The following ADAMTS12 variants were observed in gnomAD, a reference collection of about 807,000 sequenced individuals.
ADAMTS12 encodes ADAM metallopeptidase with thrombospondin type 1 motif 12, also known as A disintegrin and metalloproteinase with thrombospondin motifs 12.
Under a neutral mutation model 167.8 loss-of-function variants are expected in ADAMTS12, and 118 were observed. The ratio of observed to expected loss-of-function variants is 0.70; its 90% confidence interval spans 0.61 to 0.82. The LOEUF is 0.82. ADAMTS12 is among the 40% of genes least tolerant of loss of function. ADAMTS12 has a pLI of 0.00. For synonymous variants in ADAMTS12, 704 were observed against 716.9 expected, an observed-to-expected ratio of 0.98 and a Z score of 0.29; for missense variants, 1,916 against 1,998.8, an observed-to-expected ratio of 0.96 and a Z score of 0.79.
chr5:33,592,949 A>C lies in ADAMTS12; in HGVS notation c.2654+2985T>G, dbSNP rs76938211. Among the ~76,000 whole-genome samples, 1,417 of 152,280 alleles carry C rather than the reference A, an allele frequency of 9.3e-3. 25 individuals are homozygous for C. Among genetic ancestry groups the C allele is most frequent in the African/African-American group, 0.032 (1,349 of 41,544 alleles). The stretch of plus-strand genomic sequence containing the variant: ...AAACTAGTGAACTAATCTTGCAAAA[A>C]CAAATAATATTAGTTTATTATTTAT... On this transcript the variant is annotated intron_variant, in intron 17 of 23. Transcript: ENST00000504830.
At chr5:33,713,735 GT>G (rs1743493925) in intron 3 of ADAMTS12, among the ~76,000 whole-genome samples, 2 of 152,094 alleles carry the variant, frequency 1.3e-5, no homozygotes, top group African/African-American at 4.8e-5. Flanking sequence ...CACTTGTTTG[GT>G]TAGTCCACAA....
intron 20 of ADAMTS12, among the ~76,000 whole-genome samples, chr5:33,559,076 G>A (rs1745615829): frequency 6.6e-6 from 1 of 152,180 alleles, no homozygotes; most frequent in Non-Finnish European, 1.5e-5. Flanking sequence ...AGTCTGCCAG[G>A]AGAACCAGAG....
At chr5:33,786,542 G>A (rs1746332680) in intron 2 of ADAMTS12, among the ~76,000 whole-genome samples, 1 of 151,820 alleles carries the variant, frequency 6.6e-6, no homozygotes, top group Non-Finnish European at 1.5e-5. Flanking sequence ...ATTATCAGGA[G>A]GCTGTACGTA....
At chr5:33,711,493 C>T (rs937903301) in intron 3 of ADAMTS12, among the ~76,000 whole-genome samples, 1 of 152,078 alleles carries the variant, frequency 6.6e-6, no homozygotes, top group African/African-American at 2.4e-5. Flanking sequence ...AGGTCTCACA[C>T]CCCAGGGGAC....
intron 19 of ADAMTS12, among the ~76,000 whole-genome samples, chr5:33,567,721 A>C (rs1476571521): frequency 6.6e-6 from 1 of 152,236 alleles, no homozygotes; most frequent in Non-Finnish European, 1.5e-5. Flanking sequence ...AGTAACCATG[A>C]GTGGCCTCAA....
intron 2 of ADAMTS12, among the ~76,000 whole-genome samples, chr5:33,795,705 T>G (rs927549486): frequency 6.6e-6 from 1 of 152,080 alleles, no homozygotes; most frequent in Non-Finnish European, 1.5e-5. Flanking sequence ...TCTCTGTCAG[T>G]AAGAGCCACC....
intron 16 of ADAMTS12, among the ~76,000 whole-genome samples, chr5:33,610,446 C>T (rs1340566090): frequency 3.3e-5 from 5 of 152,104 alleles, no homozygotes; most frequent in Non-Finnish European, 5.9e-5. Flanking sequence ...TGAACTACCT[C>T]GAGCAGGTAG....
At chr5:33,840,154 T>C (rs1748695873) in intron 2 of ADAMTS12, 1 of 152,218 alleles carries the variant, frequency 6.6e-6, no homozygotes, top group South Asian at 2.1e-4. Context: ...ACCCATTTTC[T>C]CCAAAGCTTT....
At chr5:33,815,580 AT>A (rs1747621603) in intron 2 of ADAMTS12, among the ~76,000 whole-genome samples, 1 of 152,186 alleles carries the variant, frequency 6.6e-6, no homozygotes, top group Non-Finnish European at 1.5e-5. Flanking sequence ...ACAGTGTTCT[AT>A]TATAGAAGCC....
intron 19 of ADAMTS12, among the ~76,000 whole-genome samples, chr5:33,571,859 A>G (rs1204138049): frequency 6.6e-6 from 1 of 152,024 alleles, no homozygotes; most frequent in Non-Finnish European, 1.5e-5. Flanking sequence ...AGCAAGACTA[A>G]TAAAGAAAAA....
At chr5:33,699,580 C>T (rs1742921985) in intron 3 of ADAMTS12, among the ~76,000 whole-genome samples, 1 of 152,044 alleles carries the variant, frequency 6.6e-6, no homozygotes, top group African/African-American at 2.4e-5. Flanking sequence ...ACTTTCTCTG[C>T]CCATGTGAAA....
chr5:33,821,815 C>G (rs1385416998), intron 2 of ADAMTS12, among the ~76,000 whole-genome samples: 3 of 152,208 alleles, frequency 2.0e-5, no homozygotes. Context: ...CAACATCACC[C>G]TTTCAATCCT....
At chr5:33,777,420 G>A (rs1258552964) in intron 2 of ADAMTS12, among the ~76,000 whole-genome samples, 1 of 151,704 alleles carries the variant, frequency 6.6e-6, no homozygotes, top group Non-Finnish European at 1.5e-5. Flanking sequence ...ACAGAATGAA[G>A]GACAAAAATC....
At chr5:33,694,747 G>C (rs1742691013) in intron 3 of ADAMTS12, among the ~76,000 whole-genome samples, 1 of 152,208 alleles carries the variant, frequency 6.6e-6, no homozygotes, top group Admixed American at 6.5e-5. Flanking sequence ...GTGCTGGCTA[G>C]ATTTCAAAGA....
chr5:33,707,804 A>C (rs1204407896), intron 3 of ADAMTS12, among the ~76,000 whole-genome samples: 1 of 152,240 alleles, frequency 6.6e-6, no homozygotes, highest in East Asian at 1.9e-4. Flanking sequence ...AAATTAACTC[A>C]AGATGGATGA....
At chr5:33,683,779 G>T in intron 4 of ADAMTS12, 80 bp downstream of exon 4, 2 of 1,124,616 alleles carry the variant, frequency 1.8e-6, no homozygotes, top group South Asian at 3.1e-5. Flanking sequence ...CCCCAAAAAG[G>T]CCTTTCTTAT....
intron 18 of ADAMTS12, among the ~76,000 whole-genome samples, chr5:33,584,733 G>T (rs1221235739): frequency 6.6e-6 from 1 of 152,130 alleles, no homozygotes; most frequent in Non-Finnish European, 1.5e-5. Context: ...CTGGCTCAAG[G>T]CCACACAATT....
rs535753662 is a variant in ADAMTS12 at position 33,690,472 on chromosome 5, G to C, written c.635-6417C>G. On this transcript the variant is annotated intron_variant, in intron 3 of 23. Coordinates refer to ENST00000504830, the MANE Select transcript of ADAMTS12 (RefSeq NM_030955.4). Reference sequence around the variant, plus strand: ...AGTATAAGCACCTGAAAAAAAAAAAGAAAGAAAGAGATGTATTCTCAAAGG... The same window carrying C: ...AGTATAAGCACCTGAAAAAAAAAAACAAAGAAAGAGATGTATTCTCAAAGG... Among the ~76,000 whole-genome samples the C allele has an allele frequency of 3.1e-4, 46 of 146,798 alleles. 1 individual carries two copies. Among genetic ancestry groups the C allele is most frequent in the African/African-American group, 1.1e-3 (43 of 39,936 alleles).
Position 33,674,521 on chromosome 5 carries a change from G to T in ADAMTS12, c.915+8497C>A, listed in dbSNP as rs571850785. On this transcript the variant is annotated intron_variant, in intron 5 of 23. Coordinates refer to ENST00000504830, the MANE Select transcript of ADAMTS12 (RefSeq NM_030955.4). ...TTACTTTATGTCCATAATAATAAAG[G>T]TGATGGCTTCCTCTGGGGCAAAAGT... Among the ~76,000 whole-genome samples the T allele has an allele frequency of 1.6e-4, 25 of 152,238 alleles. No homozygotes were observed. The East Asian group carries it at 4.6e-3, about 28-fold the overall frequency.
Sources: allele counts gnomAD v4.1 joint callset (sites outside exome capture counted in the v4.1 genomes callset), GRCh38; gene constraint gnomAD v4.1.1; transcripts MANE v1.5; gene names NCBI Gene and HGNC (gene_info 2026-07-23, HGNC 2026-07-21).